Variants in SGCZ observed in about 807,000 individuals in gnomAD.
The protein encoded by SGCZ is sarcoglycan zeta.
Under a neutral mutation model 41.3 loss-of-function variants are expected in SGCZ, and 40 were observed. That is an observed-to-expected ratio of 0.97 (90% CI 0.75 to 1.26). The LOEUF (loss-of-function observed/expected upper bound fraction) is 1.26. SGCZ is among the 50% of genes most tolerant of loss of function. The pLI is 0.00. For synonymous variants in SGCZ, 206 were observed against 137.5 expected (o/e 1.50, Z -3.49); for missense variants, 552 against 369.8 (o/e 1.49, Z -4.04).
intron 1 of SGCZ, among the ~76,000 whole-genome samples, chr8:14,941,493 T>C (rs1456230102): frequency 1.3e-5 from 2 of 152,108 alleles, no homozygotes; most frequent in South Asian, 2.1e-4. Flanking sequence ...ACATGGATAG[T>C]ATGTTTATAT....
At chr8:14,714,716 C>T (rs567679696) in intron 1 of SGCZ, among the ~76,000 whole-genome samples, 1 of 151,766 alleles carries the variant, frequency 6.6e-6, no homozygotes, top group Admixed American at 6.6e-5. Flanking sequence ...AAAATAAATC[C>T]AGAAAAATAC....
intron 1 of SGCZ, among the ~76,000 whole-genome samples, chr8:14,913,302 C>T (rs950618902): frequency 3.9e-5 from 6 of 151,962 alleles, no homozygotes; most frequent in Admixed American, 1.3e-4. Context: ...TATCTGTGTA[C>T]TGCCCTCTTA....
intron 4 of SGCZ, among the ~76,000 whole-genome samples, chr8:14,228,619 G>C (rs938019030): frequency 3.2e-4 from 49 of 152,042 alleles, no homozygotes; most frequent in African/African-American, 1.1e-3. Flanking sequence ...AAATAAACTT[G>C]TATTATATTT....
chr8:14,707,570 CT>C (rs1236186372), intron 1 of SGCZ, among the ~76,000 whole-genome samples: 2 of 152,036 alleles, frequency 1.3e-5, no homozygotes, highest in Non-Finnish European at 2.9e-5. Context: ...TTCACAAATA[CT>C]TTTTTTGGTG....
At chr8:14,825,522 T>G (rs1360934447) in intron 1 of SGCZ, among the ~76,000 whole-genome samples, 1 of 152,200 alleles carries the variant, frequency 6.6e-6, no homozygotes, top group Non-Finnish European at 1.5e-5. Flanking sequence ...GACTTTAAAT[T>G]TTTGGTAAAT....
At chr8:14,827,920 A>C (rs1222987414) in intron 1 of SGCZ, among the ~76,000 whole-genome samples, 1 of 152,168 alleles carries the variant, frequency 6.6e-6, no homozygotes, top group Non-Finnish European at 1.5e-5. Context: ...AGGGATCTTC[A>C]AATCATTCAT....
intron 1 of SGCZ, among the ~76,000 whole-genome samples, chr8:15,081,930 G>T (rs1805765190): frequency 6.6e-6 from 1 of 152,284 alleles, no homozygotes; most frequent in Admixed American, 6.5e-5. Context: ...TGCCTAATGG[G>T]TTGAGATACT....
rs1801519870 is a variant in SGCZ at position 14,086,262 on chromosome 8, T to G, written c.*4181A>C. On this transcript the variant is annotated 3_prime_UTR_variant, in exon 8 of 8. Transcript: ENST00000382080. Reference sequence around the variant, plus strand: ...TTTGGCTATTAAATACTTTCAATGATTTTAATAATTTAACATTATTATGTT... The same window carrying G: ...TTTGGCTATTAAATACTTTCAATGAGTTTAATAATTTAACATTATTATGTT... Among the ~76,000 whole-genome samples, 1 of 151,734 alleles carries G rather than the reference T, an allele frequency of 6.6e-6. No homozygotes were observed. Among genetic ancestry groups the G allele is most frequent in the Admixed American group, 6.6e-5 (1 of 15,184 alleles).
chr8:15,114,758 T>G (rs1010334083), intron 1 of SGCZ, among the ~76,000 whole-genome samples: 1 of 144,916 alleles, frequency 6.9e-6, no homozygotes, highest in Non-Finnish European at 1.5e-5. Context: ...TTCTTTTTGT[T>G]TTTTTTTTTT....
At chr8:14,656,611 C>CCT (rs138779814) in intron 1 of SGCZ, among the ~76,000 whole-genome samples, 9,836 of 144,326 alleles carry the variant, frequency 0.068, 500 homozygotes, top group East Asian at 0.16. Flanking sequence ...CTCTCCCTCT[C>CCT]CTCTCTCTCT....
chr8:14,182,783 G>A (rs1026442265), intron 4 of SGCZ, among the ~76,000 whole-genome samples: 3 of 152,066 alleles, frequency 2.0e-5, no homozygotes, highest in African/African-American at 7.2e-5. Flanking sequence ...CCGAGAGGGG[G>A]CGGATCACCT....
At chr8:14,769,578 G>C (rs1334037045) in intron 1 of SGCZ, among the ~76,000 whole-genome samples, 2 of 152,036 alleles carry the variant, frequency 1.3e-5, no homozygotes, top group African/African-American at 4.8e-5. Context: ...GATCATCTGA[G>C]GTCGGGAGTT....
chr8:14,462,321 T>A (rs929121885), intron 2 of SGCZ, among the ~76,000 whole-genome samples: 5 of 152,016 alleles, frequency 3.3e-5, no homozygotes, highest in Admixed American at 2.6e-4. Flanking sequence ...TTACAAAAAT[T>A]CCATGTAATT....
In SGCZ at chr8:14,146,890, A is replaced by AAAAAAAAAAAT. The variant is rs1182329393; in HGVS notation, c.547+17689_547+17690insATTTTTTTTTT. Among the ~76,000 whole-genome samples, 6 of 116,184 alleles carry AAAAAAAAAAAT rather than the reference A, an allele frequency of 5.2e-5. 1 individual carries two copies. Among genetic ancestry groups the AAAAAAAAAAAT allele is most frequent in the African/African-American group, 2.2e-4 (6 of 27,878 alleles). The allele number at this position is 116,184 out of a possible 152,430, so 76.2% of individuals were successfully genotyped here. On this transcript the variant is annotated intron_variant, in intron 5 of 7. Transcript: ENST00000382080. Reference sequence around the variant, plus strand: ...CCGTCTCAAAAAATAAAAATAAAAAAAATAATAATAATAATAACTACAGCA... The same window carrying AAAAAAAAAAAT: ...CCGTCTCAAAAAATAAAAATAAAAAAAAAAAAAAAATAATAATAATAATAATAACTACAGCA...
At chr8:14,179,259 C>A (rs1804645235) in intron 4 of SGCZ, among the ~76,000 whole-genome samples, 1 of 152,208 alleles carries the variant, frequency 6.6e-6, no homozygotes, top group Non-Finnish European at 1.5e-5. Context: ...ATAACCTAAG[C>A]AATGTGGTGC....
chr8:14,383,494 C>T (rs1403628864), intron 2 of SGCZ, among the ~76,000 whole-genome samples: 1 of 152,130 alleles, frequency 6.6e-6, no homozygotes, highest in Non-Finnish European at 1.5e-5. Context: ...CTCTGGATAG[C>T]AAATAACACG....
At chr8:14,178,540 A>C (rs1217811660) in intron 4 of SGCZ, among the ~76,000 whole-genome samples, 1 of 152,180 alleles carries the variant, frequency 6.6e-6, no homozygotes, top group Non-Finnish European at 1.5e-5. Flanking sequence ...GATAAAGGCT[A>C]TTGGATGTTT....
Position 14,964,827 on chromosome 8 carries a change from C to G in SGCZ, c.39+272758G>C, listed in dbSNP as rs184920968. 3.8e-3 allele frequency among the ~76,000 whole-genome samples: 585 copies of G among 152,232 alleles called. 3 individuals are homozygous for G. Among genetic ancestry groups the G allele is most frequent in the Non-Finnish European group, 5.9e-3 (404 of 68,026 alleles). On this transcript the variant is annotated intron_variant, in intron 1 of 7. Coordinates refer to ENST00000382080, the MANE Select transcript of SGCZ (RefSeq NM_139167.4). Reference sequence around the variant, plus strand: ...ATCTGGGGGTGTACCACAGAACCCACTACTTATATACCTGCAAAAGGGAGG... The same window carrying G: ...ATCTGGGGGTGTACCACAGAACCCAGTACTTATATACCTGCAAAAGGGAGG...
intron 4 of SGCZ, among the ~76,000 whole-genome samples, chr8:14,231,211 G>A (rs1475776520): frequency 2.3e-5 from 3 of 132,760 alleles, no homozygotes; most frequent in African/African-American, 8.4e-5. Flanking sequence ...GGGAGAGAGA[G>A]GGGGAAAGAG....
Sources: gnomAD v4.1 joint callset for allele counts (sites outside exome capture counted in the v4.1 genomes callset) on GRCh38, gnomAD v4.1.1 for gene constraint, MANE v1.5 for transcripts, NCBI Gene and HGNC (gene_info 2026-07-23, HGNC 2026-07-21) for gene names.